The following ATRX variants were observed in gnomAD, a reference collection of about 807,000 sequenced individuals.
The protein encoded by ATRX is chromatin remodeler ATRX.
Under a neutral mutation model 172.6 loss-of-function variants are expected in ATRX, and 12 were observed. The ratio of observed to expected loss-of-function variants is 0.07; its 90% confidence interval spans 0.04 to 0.11. ATRX has a LOEUF of 0.11. Ranked by LOEUF, ATRX falls within the 10% of genes least tolerant of loss-of-function variation. ATRX has a pLI of 1.00. For missense variants in ATRX, 1,368 were observed against 1,767.4 expected (o/e 0.77, Z 4.05); for synonymous variants, 674 against 594.7 (o/e 1.13, Z -1.94).
chrX:77,511,052 T>G (rs2062852306), intron 34 of ATRX, among the ~76,000 whole-genome samples: 1 of 112,589 alleles, frequency 8.9e-6, no homozygotes, highest in African/African-American at 3.2e-5. Flanking sequence ...AGAGGGGTGC[T>G]TGTGTCACCT....
Position 77,741,037 on chromosome X carries a change from T to TACACAC in ATRX, c.21-23800_21-23795dup, listed in dbSNP as rs111437851. Among the ~76,000 whole-genome samples, 487 of 99,235 alleles carry TACACAC rather than the reference T, an allele frequency of 4.9e-3. 1 individual carries two copies. Among genetic ancestry groups the TACACAC allele is most frequent in the Non-Finnish European group, 7.6e-3 (366 of 48,419 alleles). The allele number at this position is 99,235 out of a possible 115,157, so 86.2% of individuals were successfully genotyped here. A position where few individuals can be genotyped will look rare whatever the true frequency, so the allele number is the denominator to read the frequency against. ...GAGCAACATAGTGAGACCCTGTCTC[T>TACACAC]ACACACACACACACACACACACACA... On this transcript the variant is annotated intron_variant, in intron 1 of 34. Transcript: ENST00000373344.
At chrX:77,677,255 T>A (rs1004923944) in intron 9 of ATRX, among the ~76,000 whole-genome samples, 64 of 112,040 alleles carry the variant, frequency 5.7e-4, no homozygotes, top group African/African-American at 1.9e-3. Flanking sequence ...TGCTGATGTC[T>A]ACCGTTTAAT....
rs782802360 is a variant in ATRX, at chrX:77,724,107, CG to C, written c.21-6865del. On this transcript the variant is annotated intron_variant, in intron 1 of 34. Transcript: ENST00000373344. Reference sequence around the variant, plus strand: ...CAGCCTGGCCAACATGGTGAAACCCCGTCTCCCCTAGAAACACAAAATTAGC... The same window carrying C: ...CAGCCTGGCCAACATGGTGAAACCCCTCTCCCCTAGAAACACAAAATTAGC... Among the ~76,000 whole-genome samples, 5 of 110,287 alleles carry C rather than the reference CG, an allele frequency of 4.5e-5. No homozygotes were observed. The South Asian group carries it at 2.0e-3, about 43-fold the overall frequency.
chrX:77,521,236 A>G, intron 33 of ATRX, 167 bp downstream of exon 33: 1 of 468,191 alleles, frequency 2.1e-6, no homozygotes, highest in Non-Finnish European at 3.7e-6. Context: ...GCCAACATCT[A>G]TGTAAAATTG....
At chrX:77,572,572 T>C (rs1209877785) in intron 28 of ATRX, among the ~76,000 whole-genome samples, 1 of 111,260 alleles carries the variant, frequency 9.0e-6, no homozygotes, top group Non-Finnish European at 1.9e-5. Context: ...AGTCATCAAG[T>C]ATAAATGTCA....
intron 11 of ATRX, 101 bp from the exon 12 acceptor site, chrX:77,663,659 CAG>C: frequency 1.5e-6 from 1 of 653,094 alleles, no homozygotes; most frequent in South Asian, 2.6e-5. Context: ...TGAAAAAAAT[CAG>C]AGTTAGACAC....
Position 77,683,002 on chromosome X carries a change from T to C in ATRX, c.2254A>G (p.Thr752Ala). 8.3e-7 allele frequency: 1 copy of C among 1,210,924 alleles called. No individual in the cohort carries two copies. Among genetic ancestry groups the C allele is most frequent in the Non-Finnish European group, 1.1e-6 (1 of 894,959 alleles). The change falls in exon 9 of 35, where the codon ACT becomes GCT. Residue 752 changes from threonine to alanine, a missense_variant. This residue lies in a region of ATRX where 843 missense variants were observed against 643.1 expected (regional missense o/e 1.31). Transcript: ENST00000373344. ...SRMSHSSSSD[T>A]DINEIHTNHK... ...TTTGTATGAATTTCATTAATATCAGTATCTGAAGAAGAACTGTGACTCATC... is the reference window on the plus strand; with the variant it reads ...TTTGTATGAATTTCATTAATATCAGCATCTGAAGAAGAACTGTGACTCATC...
chrX:77,689,842 A>G (rs1391373736), intron 6 of ATRX, among the ~76,000 whole-genome samples: 1 of 112,273 alleles, frequency 8.9e-6, no homozygotes, highest in African/African-American at 3.2e-5. Flanking sequence ...ATGTGCAACC[A>G]AGACCTTGAT....
chrX:77,538,321 A>AGT (rs2063833040), intron 30 of ATRX, among the ~76,000 whole-genome samples: 1 of 110,515 alleles, frequency 9.0e-6, no homozygotes, highest in African/African-American at 3.3e-5. Context: ...TTGCCACAAC[A>AGT]TTGATGGAAC....
intron 7 of ATRX, among the ~76,000 whole-genome samples, chrX:77,688,607 A>G (rs1227129231): frequency 2.7e-5 from 3 of 111,272 alleles, no homozygotes; most frequent in Non-Finnish European, 5.7e-5. Context: ...TCCAAATCCT[A>G]TTTACACAGG....
chrX:77,664,812 A>G (rs1434685624), intron 10 of ATRX, 34 bp from the exon 11 acceptor site: 3 of 1,152,534 alleles, frequency 2.6e-6, no homozygotes, highest in Middle Eastern at 2.5e-4. Flanking sequence ...AAAGAACTAT[A>G]TATCTGGGGG....
At chrX:77,509,033 A>G (rs1211818398) in intron 34 of ATRX, among the ~76,000 whole-genome samples, 6 of 112,216 alleles carry the variant, frequency 5.3e-5, no homozygotes, top group African/African-American at 1.9e-4. Flanking sequence ...TGCAGTAGGA[A>G]TAATTCTGAC....
chrX:77,614,565 G>C (rs1334307213), intron 22 of ATRX, among the ~76,000 whole-genome samples: 2 of 111,740 alleles, frequency 1.8e-5, no homozygotes, highest in African/African-American at 6.5e-5. Context: ...CTCTCAAAAA[G>C]AGTGTTTTTT....
At chrX:77,553,019 G>C (rs1423568129) in intron 30 of ATRX, among the ~76,000 whole-genome samples, 1 of 111,149 alleles carries the variant, frequency 9.0e-6, no homozygotes, top group African/African-American at 3.3e-5. Flanking sequence ...GGACAAGAAG[G>C]AAGGTGTTTG....
intron 1 of ATRX, among the ~76,000 whole-genome samples, chrX:77,781,523 T>G (rs2076572920): frequency 9.2e-6 from 1 of 109,119 alleles, no homozygotes; most frequent in Admixed American, 9.9e-5. Flanking sequence ...ACATGTTACC[T>G]CCTTCAGAAT....
chrX:77,526,804 A>T (rs1321823818), intron 30 of ATRX, among the ~76,000 whole-genome samples: 1 of 111,432 alleles, frequency 9.0e-6, no homozygotes, highest in Non-Finnish European at 1.9e-5. Flanking sequence ...CCATTTCTAA[A>T]CCCCTTTAAC....
At chrX:77,748,945 A>G (rs950409629) in intron 1 of ATRX, among the ~76,000 whole-genome samples, 1 of 111,420 alleles carries the variant, frequency 9.0e-6, no homozygotes, top group Non-Finnish European at 1.9e-5. Context: ...CAGGCTATTT[A>G]CTAAGTGTTT....
intron 1 of ATRX, among the ~76,000 whole-genome samples, chrX:77,767,558 G>A (rs2076016426): frequency 9.1e-6 from 1 of 109,748 alleles, no homozygotes; most frequent in South Asian, 4.0e-4. Flanking sequence ...ATCATGCTCG[G>A]CAAAATTTTG....
At chrX:77,615,345 C>T (rs1602850824) in intron 22 of ATRX, among the ~76,000 whole-genome samples, 1 of 110,883 alleles carries the variant, frequency 9.0e-6, no homozygotes, top group East Asian at 2.8e-4. Context: ...CCTGAAAACA[C>T]TATTGTGAGC....
Sources: allele counts gnomAD v4.1 joint callset (sites outside exome capture counted in the v4.1 genomes callset), GRCh38; gene constraint gnomAD v4.1.1; regional missense constraint gnomAD v4.1.1; transcripts MANE v1.5; gene names NCBI Gene and HGNC (gene_info 2026-07-23, HGNC 2026-07-21).